PLB1: variants seen among roughly 807,000 people sequenced by gnomAD.
PLB1 encodes the protein phospholipase B1, membrane-associated.
Under a neutral mutation model 227.4 loss-of-function variants are expected in PLB1, and 242 were observed. That is an observed-to-expected ratio of 1.06 (90% confidence interval 0.96 to 1.18). The LOEUF is 1.18. Ranked by LOEUF, PLB1 falls within the 50% of genes most tolerant of loss-of-function variation. The pLI, the probability that PLB1 is intolerant of heterozygous loss-of-function variation, is 0.00. For synonymous variants in PLB1, 757 were observed against 682.2 expected (o/e 1.11, Z -1.71); for missense variants, 1,858 against 1,816.3 (o/e 1.02, Z -0.42).
At chr2:28,623,633 G>A (rs529046461) in intron 49 of PLB1, among the ~76,000 whole-genome samples, 6 of 150,922 alleles carry the variant, frequency 4.0e-5, no homozygotes, top group African/African-American at 7.4e-5. Context: ...CTAGCTTACC[G>A]TGGCCACCCA....
intron 20 of PLB1, among the ~76,000 whole-genome samples, chr2:28,567,791 T>C (rs559167494): frequency 6.6e-6 from 1 of 152,262 alleles, no homozygotes; most frequent in African/African-American, 2.4e-5. Flanking sequence ...CCTTGAAGGG[T>C]CTGATCTTAT....
chr2:28,553,380 C>T (rs192272861), intron 17 of PLB1, among the ~76,000 whole-genome samples: 4 of 152,352 alleles, frequency 2.6e-5, no homozygotes, highest in East Asian at 1.9e-4. Context: ...GATTCACTCA[C>T]ACACAGAATG....
At chr2:28,589,632 C>T in intron 27 of PLB1, 43 bp from the exon 28 acceptor site, 1 of 1,605,682 alleles carries the variant, frequency 6.2e-7, no homozygotes. Context: ...TTATATGATC[C>T]AGTGTGTCTA....
At chr2:28,582,666 A>AT (rs1680235907) in intron 25 of PLB1, among the ~76,000 whole-genome samples, 161 bp downstream of exon 25, 1 of 152,124 alleles carries the variant, frequency 6.6e-6, no homozygotes, top group African/African-American at 2.4e-5. Context: ...ATATCCTAGG[A>AT]TTTTTCCACC....
intron 43 of PLB1, among the ~76,000 whole-genome samples, 159 bp from the exon 44 acceptor site, chr2:28,613,872 C>T (rs375077827): frequency 3.9e-5 from 6 of 152,140 alleles, no homozygotes; most frequent in South Asian, 2.1e-4. Flanking sequence ...TAAAACCCTC[C>T]GGGGGAATGA....
At chr2:28,635,146 A>T (rs1689146564) in intron 56 of PLB1, among the ~76,000 whole-genome samples, 1 of 152,220 alleles carries the variant, frequency 6.6e-6, no homozygotes, top group Non-Finnish European at 1.5e-5. Context: ...TTTCAAAATA[A>T]CAAAAACAAA....
rs1454308542 is a variant in PLB1 at position 28,605,912 on chromosome 2, C to T, written c.3021C>T (p.Phe1007=). The T allele has an allele frequency of 6.2e-7, 1 of 1,613,776 alleles. No individual in the cohort carries two copies. The highest frequency in any genetic ancestry group is 2.2e-5 in the East Asian group (1 of 44,876). Residue 1007 remains phenylalanine, a synonymous_variant, in exon 42 of 58, where the codon TTC becomes TTT. Transcript: ENST00000327757. ...APDCIHPNQK[F]HSQLARALWT... ...ACTGCATCCACCCAAATCAGAAATT[C>T]CACTCCCAGCTGGCCAGAGCCCTTT...
At chr2:28,579,782 G>A (rs11677766) in intron 23 of PLB1, 75 bp downstream of exon 23, 21 of 1,283,616 alleles carry the variant, frequency 1.6e-5, no homozygotes, top group Admixed American at 1.0e-4. Flanking sequence ...TGCTCTGCCC[G>A]GGAGGAGTAC....
chr2:28,518,072 A>G lies in PLB1; in HGVS notation c.118-394A>G, dbSNP rs918101737. ...GTATTTCGTATTTTTAGTAGAGACAAAATTTCGCCATGTTAGCCAGGCTGG... is the reference window on the plus strand; with the variant it reads ...GTATTTCGTATTTTTAGTAGAGACAGAATTTCGCCATGTTAGCCAGGCTGG... On this transcript the variant is annotated intron_variant, in intron 2 of 57. Transcript: ENST00000327757. Among the ~76,000 whole-genome samples the G allele has an allele frequency of 2.0e-5, 3 of 152,104 alleles. No individual in the cohort carries two copies. In the South Asian group the frequency reaches 6.2e-4, roughly 32 times the overall value.
intron 21 of PLB1, among the ~76,000 whole-genome samples, chr2:28,573,812 C>A (rs565020078): frequency 6.6e-6 from 1 of 152,340 alleles, no homozygotes; most frequent in East Asian, 1.9e-4. Context: ...TGGTTAGGAA[C>A]CTCTCCCACA....
At chr2:28,568,703 T>C (rs1471819752) in intron 20 of PLB1, among the ~76,000 whole-genome samples, 1 of 152,150 alleles carries the variant, frequency 6.6e-6, no homozygotes, top group East Asian at 1.9e-4. Context: ...ATGACTAATA[T>C]TTATAGATGT....
At chr2:28,605,982 G>T (rs529002923) in intron 42 of PLB1, 34 bp downstream of exon 42, 1 of 1,540,670 alleles carries the variant, frequency 6.5e-7, no homozygotes, top group Non-Finnish European at 9.0e-7. Flanking sequence ...GTTCTCTGGG[G>T]TTCTAGTCTA....
At chr2:28,641,523 A>G (rs1329743224) in intron 57 of PLB1, among the ~76,000 whole-genome samples, 1 of 152,080 alleles carries the variant, frequency 6.6e-6, no homozygotes, top group Non-Finnish European at 1.5e-5. Flanking sequence ...CAGGAGAATC[A>G]CTTGAACCCG....
At chr2:28,635,844 T>C (rs1689234208) in intron 56 of PLB1, among the ~76,000 whole-genome samples, 1 of 152,224 alleles carries the variant, frequency 6.6e-6, no homozygotes, top group Non-Finnish European at 1.5e-5. Flanking sequence ...GCAGAAATCC[T>C]GCTCTCAGCC....
intron 55 of PLB1, 99 bp downstream of exon 55, chr2:28,632,239 A>C (rs1297574957): frequency 3.3e-6 from 3 of 911,392 alleles, no homozygotes; most frequent in African/African-American, 1.7e-5. Context: ...TTTTTTAACC[A>C]TCTCTCTCCA....
intron 49 of PLB1, among the ~76,000 whole-genome samples, chr2:28,622,677 C>T (rs1687201314): frequency 6.6e-6 from 1 of 152,264 alleles, no homozygotes; most frequent in Middle Eastern, 3.4e-3. Flanking sequence ...CACCTGAGGT[C>T]AGGAGTTCAA....
chr2:28,534,875 AAAAG>A (rs1002042743), intron 9 of PLB1, among the ~76,000 whole-genome samples: 1 of 58,852 alleles, frequency 1.7e-5, no homozygotes, highest in African/African-American at 3.9e-5. Context: ...AAAAAAAAAG[AAAAG>A]AAAAAAACAG....
In PLB1 at chr2:28,550,010, G is replaced by A; in HGVS notation, c.1009G>A (p.Glu337Lys). Reference sequence around the variant, plus strand: ...TCCAACATGTCACCTTTCCCTGCAGGAGAGCCCCTATCTGTTCAGCTACAG... The same window carrying A: ...TCCAACATGTCACCTTTCCCTGCAGAAGAGCCCCTATCTGTTCAGCTACAG... ...HGRPMKCPSQ[E>K]SPYLFSYRNS... Residue 337 changes from glutamate (E) to lysine (K), a missense_variant and splice_region_variant, in exon 16 of 58, where the codon GAG (glutamate) becomes AAG (lysine). Transcript: ENST00000327757. 2 of 1,612,162 alleles carry A rather than the reference G, an allele frequency of 1.2e-6. No homozygotes were observed. The highest frequency in any genetic ancestry group is 1.7e-6 in the Non-Finnish European group (2 of 1,178,466).
chr2:28,641,934 C>A (rs759441517), intron 57 of PLB1, among the ~76,000 whole-genome samples: 6 of 152,146 alleles, frequency 3.9e-5, no homozygotes, highest in Non-Finnish European at 7.4e-5. Context: ...GGGTCACCTC[C>A]CTCCATGATA....
Sources: gnomAD v4.1 joint callset for allele counts (sites outside exome capture counted in the v4.1 genomes callset) on GRCh38, gnomAD v4.1.1 for gene constraint, MANE v1.5 for transcripts, NCBI Gene and HGNC (gene_info 2026-07-23, HGNC 2026-07-21) for gene names.